Variants in ABCB4 observed in about 807,000 individuals in gnomAD.
ABCB4 encodes phosphatidylcholine translocator ABCB4.
A neutral mutation model predicts 145.7 loss-of-function variants in ABCB4; 76 were observed. The ratio of observed to expected loss-of-function variants is 0.52; its 90% CI spans 0.43 to 0.63. ABCB4 has a LOEUF of 0.63. ABCB4 is among the 30% of genes least tolerant of loss of function. The probability of loss-of-function intolerance (pLI) is 0.00; values close to 1 mark genes in which losing one functional copy is unlikely to be tolerated. For missense variants in ABCB4, 1,234 were observed against 1,553.1 expected (o/e 0.79, Z 3.45); for synonymous variants, 517 against 566.8 (o/e 0.91, Z 1.25).
chr7:87,432,209 A>G (rs1175740242), intron 14 of ABCB4, among the ~76,000 whole-genome samples: 1 of 152,152 alleles, frequency 6.6e-6, no homozygotes, highest in African/African-American at 2.4e-5. Flanking sequence ...GTGGCCTCAT[A>G]TGTTTGCTGG....
intron 14 of ABCB4, among the ~76,000 whole-genome samples, chr7:87,434,682 A>C (rs1810491871): frequency 6.6e-6 from 1 of 152,204 alleles, no homozygotes; most frequent in Non-Finnish European, 1.5e-5. Context: ...CGGGAAGCGG[A>C]GGTTGCAGTG....
At chr7:87,424,143 G>A in intron 16 of ABCB4, 91 bp from the exon 17 acceptor site, 1 of 1,525,494 alleles carries the variant, frequency 6.6e-7, no homozygotes, top group Non-Finnish European at 9.1e-7. Flanking sequence ...TTGCCCTCAA[G>A]GGACTCGCAA....
intron 6 of ABCB4, 59 bp downstream of exon 6, chr7:87,452,885 C>A: frequency 6.4e-7 from 1 of 1,551,612 alleles, no homozygotes; most frequent in Non-Finnish European, 8.9e-7. Flanking sequence ...CTTTCCTTGA[C>A]ATATTTTCAC....
chr7:87,474,506 C>G lies in ABCB4; in HGVS notation c.80+880G>C, dbSNP rs529483883. On this transcript the variant is annotated intron_variant, in intron 2 of 27. Coordinates refer to ENST00000649586, the MANE Select transcript of ABCB4 (RefSeq NM_000443.4). ...CATGTTTTCAGTTAGCTAATCAAGCCCCTAGCAGCTTGAGGACAAACTACA... is the reference window on the plus strand; with the variant it reads ...CATGTTTTCAGTTAGCTAATCAAGCGCCTAGCAGCTTGAGGACAAACTACA... Among the ~76,000 whole-genome samples, 13 of 152,222 alleles carry G rather than the reference C, an allele frequency of 8.5e-5. No individual in the cohort carries two copies. The South Asian group carries it at 2.5e-3, about 29-fold the overall frequency.
chr7:87,455,119 T>C (rs1048037488), intron 4 of ABCB4, among the ~76,000 whole-genome samples: 2 of 151,976 alleles, frequency 1.3e-5, no homozygotes, highest in African/African-American at 4.8e-5. Context: ...GTTACATCCA[T>C]CGCAAAGGAG....
chr7:87,434,095 A>ATTT (rs756063095), intron 14 of ABCB4, among the ~76,000 whole-genome samples: 10 of 118,056 alleles, frequency 8.5e-5, no homozygotes, highest in Admixed American at 2.6e-4. Flanking sequence ...CACCTGGCTA[A>ATTT]TTTTTTTTTT....
At chr7:87,454,445 G>C in intron 5 of ABCB4, 90 bp downstream of exon 5, 1 of 1,053,818 alleles carries the variant, frequency 9.5e-7, no homozygotes, top group South Asian at 1.5e-5. Flanking sequence ...TGGGTAAAGA[G>C]TACACGTTAT....
chr7:87,445,937 A>G (rs984680776), intron 9 of ABCB4, among the ~76,000 whole-genome samples: 1 of 152,214 alleles, frequency 6.6e-6, no homozygotes, highest in Non-Finnish European at 1.5e-5. Flanking sequence ...ACAAATGAGG[A>G]AATTAAGGCC....
At chr7:87,445,095 T>C (rs1343642401) in intron 9 of ABCB4, 120 bp from the exon 10 acceptor site, 1 of 734,626 alleles carries the variant, frequency 1.4e-6, no homozygotes, top group African/African-American at 1.8e-5. Flanking sequence ...CCTTTCCTTT[T>C]TTTTTTGTGG....
In ABCB4 at chr7:87,402,152, G is replaced by A; in HGVS notation, c.3784C>T (p.Gln1262Ter). Reference sequence around the variant, plus strand: ...ACCATTGAAAAATAGATGCCTTTCTGTGCCAGCAGCTGCTGATGCGTGCCA... The same window carrying A: ...ACCATTGAAAAATAGATGCCTTTCTATGCCAGCAGCTGCTGATGCGTGCCA... ...EHGTHQQLLA[Q>*]KGIYFSMVSV... Residue 1262 changes from glutamine to a stop codon, truncating the protein, a stop_gained, in exon 28 of 28, where the codon CAG (glutamine) becomes TAG (stop). Coordinates refer to ENST00000649586, the MANE Select transcript of ABCB4 (RefSeq NM_000443.4). LOFTEE classifies it high-confidence loss of function. 1 of 1,613,994 alleles carries A rather than the reference G, an allele frequency of 6.2e-7. No homozygotes were observed. Among genetic ancestry groups the A allele is most frequent in the Non-Finnish European group, 8.5e-7 (1 of 1,180,022 alleles).
the ABCB4 span, among the ~76,000 whole-genome samples, chr7:87,387,611 T>G: frequency 6.6e-6 from 1 of 152,150 alleles, no homozygotes; most frequent in Non-Finnish European, 1.5e-5. Context: ...TTATATATTG[T>G]ATTCTTACAA....
At chr7:87,389,859 A>C in the ABCB4 span, among the ~76,000 whole-genome samples, 2 of 152,308 alleles carry the variant, frequency 1.3e-5, no homozygotes. Context: ...GCTTGCCAGA[A>C]ACTAGCTCAT....
At chr7:87,423,420 ATC>A (rs1809585639) in intron 17 of ABCB4, among the ~76,000 whole-genome samples, 1 of 152,156 alleles carries the variant, frequency 6.6e-6, no homozygotes, top group Non-Finnish European at 1.5e-5. Context: ...TACCTATATA[ATC>A]TCTTAATCCT....
the ABCB4 span, chr7:87,369,357 T>G: frequency 2.6e-6 from 4 of 1,563,188 alleles, no homozygotes; most frequent in Non-Finnish European, 3.5e-6. Flanking sequence ...AGTCTTGTGT[T>G]TTCTGTTTCT....
intron 16 of ABCB4, among the ~76,000 whole-genome samples, chr7:87,425,515 C>A (rs1355110638): frequency 6.6e-6 from 1 of 152,068 alleles, no homozygotes; most frequent in Non-Finnish European, 1.5e-5. Context: ...AAAACAGATG[C>A]AATAAATTAT....
At chr7:87,409,930 A>G (rs910020295) in intron 23 of ABCB4, among the ~76,000 whole-genome samples, 65 of 152,338 alleles carry the variant, frequency 4.3e-4, no homozygotes, top group African/African-American at 1.2e-3. Flanking sequence ...TACTAGAAAT[A>G]GCTTTTTATT....
chr7:87,451,685 G>T lies in ABCB4; in HGVS notation c.646C>A (p.Leu216Ile). 6.2e-7 allele frequency: 1 copy of T among 1,614,152 alleles called. No individual in the cohort carries two copies. The highest frequency in any genetic ancestry group is 8.5e-7 in the Non-Finnish European group (1 of 1,180,014). Residue 216 changes from leucine (L) to isoleucine (I), a missense_variant, in exon 7 of 28, where the codon CTC becomes ATC. By Grantham distance (5) the Leu-to-Ile change is conservative. Around this residue, in one of 7 missense-constraint regions of ABCB4, gnomAD observed 467 missense variants for 632.8 expected, o/e 0.74. Transcript: ENST00000649586. ...CTGATGGCCATTATCACAAGGGTGA[G>T]CTTCCATCCTCTGATGAATCCCACT... is the stretch of plus-strand genomic sequence containing the variant. ...FIVGFIRGWKLTLVIMAISPI... is the reference protein window; with the variant it reads ...FIVGFIRGWKITLVIMAISPI...
At chr7:87,373,864 A>G in the ABCB4 span, among the ~76,000 whole-genome samples, 2 of 152,128 alleles carry the variant, frequency 1.3e-5, no homozygotes, top group Non-Finnish European at 2.9e-5. Flanking sequence ...TCAGTGACGT[A>G]TGGAGACGAC....
the ABCB4 span, among the ~76,000 whole-genome samples, chr7:87,372,408 G>A: frequency 6.6e-5 from 10 of 152,234 alleles, no homozygotes; most frequent in Admixed American, 6.5e-4. Context: ...TTTAGTTAGT[G>A]TGTTTTAAAT....
Sources: allele counts gnomAD v4.1 joint callset (sites outside exome capture counted in the v4.1 genomes callset), GRCh38; gene constraint gnomAD v4.1.1; regional missense constraint gnomAD v4.1.1; transcripts MANE v1.5; gene names NCBI Gene and HGNC (gene_info 2026-07-23, HGNC 2026-07-21).